SLC4A4: variants seen among roughly 807,000 people sequenced by gnomAD.
SLC4A4 encodes solute carrier family 4 member 4.
In SLC4A4, 27 loss-of-function variants were observed where a neutral mutation model predicts 111.5. That is an observed-to-expected ratio of 0.24 (90% CI 0.18 to 0.33). SLC4A4 has a LOEUF of 0.33. Ranked by LOEUF, SLC4A4 falls within the 10% of genes least tolerant of loss-of-function variation. The pLI is 1.00. For synonymous variants in SLC4A4, 443 were observed against 463.4 expected (o/e 0.96, Z 0.57); for missense variants, 909 against 1,315.5 (o/e 0.69, Z 4.78).
intron 2 of SLC4A4, among the ~76,000 whole-genome samples, chr4:71,161,040 T>G (rs1412181540): frequency 6.6e-6 from 1 of 152,162 alleles, no homozygotes; most frequent in Non-Finnish European, 1.5e-5. Context: ...GCTCTATGCC[T>G]GGGGGCTGGG....
intron 2 of SLC4A4, among the ~76,000 whole-genome samples, chr4:71,147,912 ACT>A (rs199918490): frequency 0.016 from 2,448 of 152,160 alleles, 24 homozygotes; most frequent in Non-Finnish European, 0.022. Flanking sequence ...ATAAGCTGTG[ACT>A]CTAGAGGGAA....
chr4:71,120,847 C>T, intron 2 of SLC4A4, among the ~76,000 whole-genome samples: 1 of 152,230 alleles, frequency 6.6e-6, no homozygotes, highest in East Asian at 1.9e-4. Flanking sequence ...AGCCCTTCAG[C>T]CCACCACTGC....
At chr4:71,276,026 A>G (rs1215616882) in intron 3 of SLC4A4, among the ~76,000 whole-genome samples, 1 of 152,262 alleles carries the variant, frequency 6.6e-6, no homozygotes, top group African/African-American at 2.4e-5. Context: ...TTTCCAAGAC[A>G]ATTAGCAAGC....
chr4:71,445,394 C>A (rs75732120), intron 8 of SLC4A4, among the ~76,000 whole-genome samples: 1,879 of 152,176 alleles, frequency 0.012, 17 homozygotes, highest in Non-Finnish European at 0.018. Flanking sequence ...TTATCAGTGT[C>A]AGTTGATAAA....
intron 2 of SLC4A4, among the ~76,000 whole-genome samples, chr4:71,117,058 C>T (rs1274962393): frequency 4.6e-5 from 7 of 152,114 alleles, no homozygotes; most frequent in Admixed American, 4.6e-4. Flanking sequence ...CTCACTAAAG[C>T]CCCAACCTCT....
chr4:71,293,631 A>G (rs1316588967), intron 3 of SLC4A4, among the ~76,000 whole-genome samples: 1 of 152,208 alleles, frequency 6.6e-6, no homozygotes, highest in Non-Finnish European at 1.5e-5. Context: ...CATCTTGATT[A>G]GAGAATAGTC....
chr4:71,315,038 T>TTGG (rs1222013910), intron 3 of SLC4A4, among the ~76,000 whole-genome samples: 1 of 152,112 alleles, frequency 6.6e-6, no homozygotes, highest in Non-Finnish European at 1.5e-5. Flanking sequence ...TGAAGGGAGA[T>TTGG]TGGATAAGCT....
At chr4:71,377,340 T>C (rs996042664) in intron 6 of SLC4A4, among the ~76,000 whole-genome samples, 2 of 152,188 alleles carry the variant, frequency 1.3e-5, no homozygotes, top group Non-Finnish European at 2.9e-5. Flanking sequence ...GTGGTAATAA[T>C]TGAAAGTATT....
At chr4:71,442,131 T>C (rs1403271294) in intron 8 of SLC4A4, among the ~76,000 whole-genome samples, 2 of 152,248 alleles carry the variant, frequency 1.3e-5, no homozygotes, top group Non-Finnish European at 2.9e-5. Context: ...CTTTTCATTT[T>C]TATTACCATT....
intron 2 of SLC4A4, among the ~76,000 whole-genome samples, chr4:71,120,162 T>A (rs182964208): frequency 3.0e-4 from 45 of 152,256 alleles, no homozygotes; most frequent in Non-Finnish European, 3.4e-4. Flanking sequence ...CCTTTGATTG[T>A]GGATTGTTTA....
chr4:71,477,888 C>A (rs1445691281), intron 14 of SLC4A4, among the ~76,000 whole-genome samples: 3 of 151,796 alleles, frequency 2.0e-5, no homozygotes, highest in African/African-American at 7.3e-5. Context: ...AGGCTAATAT[C>A]CAGAATCTAC....
chr4:71,208,437 A>T (rs1241576190), intron 1 of SLC4A4, among the ~76,000 whole-genome samples: 3 of 130,700 alleles, frequency 2.3e-5, no homozygotes, highest in Non-Finnish European at 4.7e-5. Context: ...TCTCAAAAAA[A>T]AAAAAAATAT....
intron 1 of SLC4A4, among the ~76,000 whole-genome samples, chr4:71,081,876 G>GT (rs1029042418): frequency 2.0e-5 from 3 of 152,052 alleles, no homozygotes; most frequent in African/African-American, 7.3e-5. Context: ...GTGCCCCAAA[G>GT]TTTCAGGTTG....
At chr4:71,423,441 G>C (rs553559567) in intron 7 of SLC4A4, among the ~76,000 whole-genome samples, 15 of 152,228 alleles carry the variant, frequency 9.9e-5, no homozygotes, top group South Asian at 4.1e-4. Context: ...TCAATGCCAT[G>C]CCCATCAAGC....
At chr4:71,558,320 G>C (rs971306740) in intron 22 of SLC4A4, among the ~76,000 whole-genome samples, 1 of 151,908 alleles carries the variant, frequency 6.6e-6, no homozygotes, top group African/African-American at 2.4e-5. Flanking sequence ...TAATAAAGAA[G>C]TGCTTGGCAA....
At chr4:71,340,868 A>G (rs909784796) in intron 4 of SLC4A4, among the ~76,000 whole-genome samples, 10 of 152,214 alleles carry the variant, frequency 6.6e-5, no homozygotes, top group Admixed American at 2.0e-4. Context: ...ATGTATATGT[A>G]TGAAAATGCT....
At chr4:71,554,789 C>A (rs1404994332) in intron 20 of SLC4A4, among the ~76,000 whole-genome samples, 1 of 151,654 alleles carries the variant, frequency 6.6e-6, no homozygotes, top group Non-Finnish European at 1.5e-5. Context: ...TTCTGTCTAC[C>A]TCACAGTCCA....
chr4:71,137,745 G>T (rs1244304714), intron 2 of SLC4A4, among the ~76,000 whole-genome samples: 1 of 152,178 alleles, frequency 6.6e-6, no homozygotes, highest in Non-Finnish European at 1.5e-5. Context: ...AAAAAGAAGT[G>T]GAGCTGAATA....
At chr4:71,200,316 T>C (rs75204722) in intron 1 of SLC4A4, among the ~76,000 whole-genome samples, 2,142 of 152,326 alleles carry the variant, frequency 0.014, 57 homozygotes, top group African/African-American at 0.049. Flanking sequence ...TAATTGAATT[T>C]TCTGATAATT....
Sources: allele counts gnomAD v4.1 joint callset (sites outside exome capture counted in the v4.1 genomes callset), GRCh38; gene constraint gnomAD v4.1.1; transcripts MANE v1.5; gene names NCBI Gene and HGNC (gene_info 2026-07-23, HGNC 2026-07-21).